Variants in BIVM observed in about 807,000 individuals in gnomAD.
BIVM encodes the protein basic, immunoglobulin-like variable motif containing.
In BIVM, 31 loss-of-function variants were observed where a neutral mutation model predicts 61.4. That is an observed-to-expected ratio of 0.51 (90% confidence interval 0.38 to 0.68). The LOEUF is 0.68. BIVM is among the 30% of genes least tolerant of loss of function. The pLI is 0.00. For missense variants in BIVM, 526 were observed against 596.0 expected, an observed-to-expected ratio of 0.88 and a Z score of 1.22; for synonymous variants, 189 against 210.7, an observed-to-expected ratio of 0.90 and a Z score of 0.89.
chr13:102,824,580 T>TG (rs1297434926), intron 7 of BIVM, among the ~76,000 whole-genome samples: 1 of 152,192 alleles, frequency 6.6e-6, no homozygotes, highest in Non-Finnish European at 1.5e-5. Context: ...CACATGGTTC[T>TG]GGGGCAGTCA....
chr13:102,836,649 C>G (rs796788948), intron 9 of BIVM, among the ~76,000 whole-genome samples: 9 of 152,246 alleles, frequency 5.9e-5, no homozygotes, highest in Admixed American at 2.6e-4. Flanking sequence ...TGGTAGAGCT[C>G]AACTTTGATT....
chr13:102,819,634 G>C (rs551282653), intron 4 of BIVM, among the ~76,000 whole-genome samples: 1 of 152,134 alleles, frequency 6.6e-6, no homozygotes. Context: ...GAGAGTATCA[G>C]GAAAAATAGC....
At chr13:102,824,982 G>A (rs991849170) in intron 7 of BIVM, among the ~76,000 whole-genome samples, 6 of 150,726 alleles carry the variant, frequency 4.0e-5, no homozygotes, top group African/African-American at 1.2e-4. Flanking sequence ...TCGCTCTGTT[G>A]CCCAGGCTGG....
At chr13:102,827,729 C>T (rs1880772407) in intron 7 of BIVM, among the ~76,000 whole-genome samples, 1 of 152,046 alleles carries the variant, frequency 6.6e-6, no homozygotes, top group African/African-American at 2.4e-5. Context: ...TGTGAGTGTC[C>T]AGCTCCTTGA....
chr13:102,800,100 C>G (rs1404039469), intron 1 of BIVM, among the ~76,000 whole-genome samples: 3 of 152,224 alleles, frequency 2.0e-5, no homozygotes, highest in Admixed American at 2.0e-4. Context: ...TGGCTCCGAG[C>G]CAAGGCGGGC....
intron 1 of BIVM, among the ~76,000 whole-genome samples, chr13:102,802,713 A>G (rs1878816693): frequency 6.6e-6 from 1 of 151,558 alleles, no homozygotes; most frequent in African/African-American, 2.4e-5. Flanking sequence ...AAAAACACAA[A>G]CAAACCAGAC....
In BIVM at chr13:102,838,736, GAAGGT is replaced by G; in HGVS notation, c.1218+1_1218+5del. ...GGGGACTGCAGTATAGAAAAACAAA[GAAGGT>G]AAGAAGAACACCATTGTGTTTGAAG... is the stretch of plus-strand genomic sequence containing the variant. On this transcript the variant is annotated splice_donor_variant and coding_sequence_variant, in exon 10 of 11. Coordinates refer to ENST00000257336, the MANE Select transcript of BIVM (RefSeq NM_017693.4). LOFTEE classifies it high-confidence loss of function. 6.2e-7 allele frequency: 1 copy of G among 1,610,894 alleles called. No homozygotes were observed. The highest frequency in any genetic ancestry group is 8.5e-7 in the Non-Finnish European group (1 of 1,178,810).
rs541642126 is a variant in BIVM, at chr13:102,802,029, C to T, written c.-207+2508C>T. 8.7e-4 allele frequency among the ~76,000 whole-genome samples: 133 copies of T among 152,226 alleles called. 1 individual carries two copies. Among genetic ancestry groups the T allele is most frequent in the African/African-American group, 3.1e-3 (130 of 41,540 alleles). Reference sequence around the variant, plus strand: ...GATCTAGGGACCATCAGGAGTTGGCCTTTTGTTCTAAGAGCAGAGGCTTTC... The same window carrying T: ...GATCTAGGGACCATCAGGAGTTGGCTTTTTGTTCTAAGAGCAGAGGCTTTC... On this transcript the variant is annotated intron_variant, in intron 1 of 10. Coordinates refer to ENST00000257336, the MANE Select transcript of BIVM (RefSeq NM_017693.4).
At chr13:102,808,211 G>A (rs1269037952) in intron 3 of BIVM, among the ~76,000 whole-genome samples, 1 of 152,158 alleles carries the variant, frequency 6.6e-6, no homozygotes, top group African/African-American at 2.4e-5. Context: ...AGTGGGTTGT[G>A]TACTGCTCAA....
At chr13:102,800,044 G>T (rs1243345544) in intron 1 of BIVM, among the ~76,000 whole-genome samples, 1 of 152,208 alleles carries the variant, frequency 6.6e-6, no homozygotes, top group Non-Finnish European at 1.5e-5. Context: ...CGCCTCCTCT[G>T]CCTGCCTCCC....
chr13:102,816,112 C>T (rs906236563), intron 3 of BIVM, among the ~76,000 whole-genome samples: 7 of 152,156 alleles, frequency 4.6e-5, no homozygotes, highest in African/African-American at 1.7e-4. Flanking sequence ...ACTGTTCCAC[C>T]AGCTAAGTGA....
rs1880306214 is a variant in BIVM at position 102,821,726 on chromosome 13, G to T, written c.702-17G>T. 1 of 1,609,238 alleles carries T rather than the reference G, an allele frequency of 6.2e-7. No homozygotes were observed. The highest frequency in any genetic ancestry group is 2.2e-5 in the East Asian group (1 of 44,780). ...CTGGAATTGAAAAATGAAAGGCAAT[G>T]AATGTTTCTTTTGTAGCCTTCCACC... On this transcript the variant is annotated splice_polypyrimidine_tract_variant and intron_variant, in intron 5 of 10. Transcript: ENST00000257336.
rs756732573 is a variant in BIVM at position 102,816,419 on chromosome 13, G to A, written c.479-9G>A. On this transcript the variant is annotated splice_polypyrimidine_tract_variant and intron_variant, in intron 3 of 10. Coordinates refer to ENST00000257336, the MANE Select transcript of BIVM (RefSeq NM_017693.4). Reference sequence around the variant, plus strand: ...AGCATTTTGCTTATTTTATACTCTTGTATTCTAGGCAATGCAAAGAAACAA... The same window carrying A: ...AGCATTTTGCTTATTTTATACTCTTATATTCTAGGCAATGCAAAGAAACAA... 6.4e-7 allele frequency: 1 copy of A among 1,558,130 alleles called. No individual in the cohort carries two copies.
chr13:102,815,499 T>C (rs1264589806), intron 3 of BIVM, among the ~76,000 whole-genome samples: 1 of 152,318 alleles, frequency 6.6e-6, no homozygotes, highest in African/African-American at 2.4e-5. Flanking sequence ...GATTTAGAAA[T>C]AAAACTTATA....
At chr13:102,817,790 ACAAGTTTAATT>A (rs968086630) in intron 4 of BIVM, among the ~76,000 whole-genome samples, 1 of 152,114 alleles carries the variant, frequency 6.6e-6, no homozygotes, top group African/African-American at 2.4e-5. Context: ...TCTAATGAAA[ACAAGTTTAATT>A]CATGACAACT....
At position 102,839,889 on chromosome 13, in the gene BIVM, G is replaced by A. The variant is rs541037686; in HGVS notation, c.*24G>A. 6.3e-7 allele frequency: 1 copy of A among 1,593,428 alleles called. No homozygotes were observed. Among genetic ancestry groups the A allele is most frequent in the Non-Finnish European group, 8.5e-7 (1 of 1,173,210 alleles). ...GACTATGCTTGCTACTGAACAGCTG[G>A]CATTATATATGAAACTGCTATATAC... On this transcript the variant is annotated 3_prime_UTR_variant, in exon 11 of 11. Transcript: ENST00000257336.
intron 4 of BIVM, among the ~76,000 whole-genome samples, chr13:102,817,684 A>G (rs907353969): frequency 6.7e-5 from 10 of 148,526 alleles, no homozygotes; most frequent in African/African-American, 2.3e-4. Flanking sequence ...TCAAAATTCC[A>G]ATTTTTTTTT....
intron 7 of BIVM, among the ~76,000 whole-genome samples, chr13:102,823,289 A>G (rs1334346992): frequency 6.6e-6 from 1 of 152,180 alleles, no homozygotes; most frequent in Non-Finnish European, 1.5e-5. Flanking sequence ...GTTGACCTAT[A>G]TTGGGTATAT....
Position 102,820,058 on chromosome 13 carries a change from G to A in BIVM, c.606-979G>A, listed in dbSNP as rs193111050. On this transcript the variant is annotated intron_variant, in intron 4 of 10. Coordinates refer to ENST00000257336, the MANE Select transcript of BIVM (RefSeq NM_017693.4). ...ATTATCTCCCCCCACAACCACGCTT[G>A]ACTAGCTTCACATTTGGCCAGGTGC... Among the ~76,000 whole-genome samples, 526 of 152,148 alleles carry A rather than the reference G, an allele frequency of 3.5e-3. 5 individuals are homozygous for A. Among genetic ancestry groups the A allele is most frequent in the Admixed American group, 0.019 (289 of 15,280 alleles).
Sources: allele counts gnomAD v4.1 joint callset (sites outside exome capture counted in the v4.1 genomes callset), GRCh38; gene constraint gnomAD v4.1.1; transcripts MANE v1.5; gene names NCBI Gene and HGNC (gene_info 2026-07-23, HGNC 2026-07-21).